The following SMYD2 variants were observed in gnomAD, a reference collection of about 807,000 sequenced individuals.
SMYD2 encodes the protein SET and MYND domain containing 2, also known as N-lysine methyltransferase SMYD2.
SMYD2 carries 53 observed loss-of-function variants against 59.1 expected under a neutral mutation model. The ratio of observed to expected loss-of-function variants is 0.90; its 90% CI spans 0.72 to 1.13. The LOEUF (loss-of-function observed/expected upper bound fraction) is 1.13. Ranked by LOEUF, SMYD2 falls within the 50% of genes most tolerant of loss-of-function variation. The pLI, the probability that SMYD2 is intolerant of heterozygous loss-of-function variation, is 0.00. For missense variants in SMYD2, 494 were observed against 544.7 expected, an observed-to-expected ratio of 0.91 and a Z score of 0.93; for synonymous variants, 208 against 198.8, an observed-to-expected ratio of 1.05 and a Z score of -0.39.
chr1:214,327,772 C>T (rs1291675734), intron 7 of SMYD2, 48 bp downstream of exon 7: 5 of 1,469,424 alleles, frequency 3.4e-6, no homozygotes, highest in Non-Finnish European at 4.8e-6. Flanking sequence ...TGAGACTGCT[C>T]TTTAAAAGGC....
chr1:214,293,300 C>A (rs999311924), intron 1 of SMYD2, among the ~76,000 whole-genome samples: 1 of 152,140 alleles, frequency 6.6e-6, no homozygotes, highest in African/African-American at 2.4e-5. Context: ...GTGATCTACC[C>A]ACCTTGGCCT....
chr1:214,287,721 A>C (rs1446393920), intron 1 of SMYD2, among the ~76,000 whole-genome samples: 1 of 152,152 alleles, frequency 6.6e-6, no homozygotes, highest in East Asian at 1.9e-4. Context: ...AATGGAAATA[A>C]TATAATATAC....
At chr1:214,284,305 G>C (rs920527339) in intron 1 of SMYD2, among the ~76,000 whole-genome samples, 8 of 113,726 alleles carry the variant, frequency 7.0e-5, no homozygotes, top group African/African-American at 2.8e-4. Context: ...TTGTTGCCCA[G>C]GCTGGAGTGC....
chr1:214,319,026 C>T (rs769991069), intron 5 of SMYD2, 43 bp downstream of exon 5: 14 of 1,603,172 alleles, frequency 8.7e-6, no homozygotes, highest in Non-Finnish European at 1.2e-5. Context: ...TGGCCTTTCC[C>T]TCTCCAAGGC....
intron 6 of SMYD2, among the ~76,000 whole-genome samples, chr1:214,326,057 G>T (rs1386296428): frequency 6.6e-6 from 1 of 151,810 alleles, no homozygotes; most frequent in African/African-American, 2.4e-5. Context: ...GACCAACATG[G>T]TGAAACCCCG....
intron 6 of SMYD2, among the ~76,000 whole-genome samples, chr1:214,327,012 G>C (rs749471387): frequency 1.6e-4 from 25 of 152,222 alleles, no homozygotes; most frequent in South Asian, 2.1e-4. Context: ...AAAGCACCTC[G>C]CATAGGCGAA....
chr1:214,308,570 C>T (rs6701654), intron 2 of SMYD2, among the ~76,000 whole-genome samples: 57 of 152,148 alleles, frequency 3.7e-4, no homozygotes, highest in African/African-American at 1.4e-3. Context: ...ACAAGAGCAG[C>T]GATGAGGAAG....
chr1:214,330,122 A>G, intron 7 of SMYD2, 46 bp from the exon 8 acceptor site: 1 of 1,317,998 alleles, frequency 7.6e-7, no homozygotes, highest in African/African-American at 1.5e-5. Flanking sequence ...ACAAGGATTG[A>G]GTTTACCTGT....
At chr1:214,328,282 C>A (rs1048666944) in intron 7 of SMYD2, among the ~76,000 whole-genome samples, 2 of 152,178 alleles carry the variant, frequency 1.3e-5, no homozygotes, top group African/African-American at 4.8e-5. Flanking sequence ...CTTCAGGTCG[C>A]AGTTCACTTT....
chr1:214,301,808 G>C (rs1028440268), intron 1 of SMYD2, among the ~76,000 whole-genome samples: 2 of 135,626 alleles, frequency 1.5e-5, no homozygotes, highest in African/African-American at 5.6e-5. Flanking sequence ...TTTCCAAGAA[G>C]AAAGTGGCTA....
chr1:214,304,573 A>AAAAAG (rs1656886310), intron 1 of SMYD2, among the ~76,000 whole-genome samples: 1 of 151,276 alleles, frequency 6.6e-6, no homozygotes, highest in South Asian at 2.1e-4. Context: ...AAAAAAAAAA[A>AAAAAG]AAAAAAAAAG....
chr1:214,330,189 C>G lies in SMYD2; in HGVS notation c.727C>G (p.Leu243Val). The change falls in exon 8 of 12, where the codon CTC (leucine) becomes GTC (valine). Residue 243 changes from leucine (L) to valine (V), a missense_variant. Leu to Val is a conservative substitution (Grantham distance 32). Coordinates refer to ENST00000366957, the MANE Select transcript of SMYD2 (RefSeq NM_020197.3). Reference protein sequence around the residue: ...GEEVFTSYIDLLYPTEDRNDR... With the variant: ...GEEVFTSYIDVLYPTEDRNDR... ...GTAGGTTTTTACCAGCTATATTGATCTCCTGTACCCAACGGAAGATAGAAA... is the reference window on the plus strand; with the variant it reads ...GTAGGTTTTTACCAGCTATATTGATGTCCTGTACCCAACGGAAGATAGAAA... The G allele has an allele frequency of 3.1e-6, 5 of 1,612,396 alleles. No individual in the cohort carries two copies. The highest frequency in any genetic ancestry group is 3.4e-6 in the Non-Finnish European group (4 of 1,178,936).
intron 2 of SMYD2, among the ~76,000 whole-genome samples, chr1:214,307,349 A>G (rs970168239): frequency 2.6e-5 from 4 of 152,260 alleles, no homozygotes; most frequent in African/African-American, 9.6e-5. Context: ...TAGTATAAAC[A>G]TATTACAGTC....
At chr1:214,320,482 C>G (rs74978519) in intron 5 of SMYD2, among the ~76,000 whole-genome samples, 14,768 of 152,096 alleles carry the variant, frequency 0.097, 890 homozygotes, top group South Asian at 0.19. Flanking sequence ...AGAAAGTGGC[C>G]AGGCACCATG....
At chr1:214,310,869 A>G (rs892930920) in intron 2 of SMYD2, among the ~76,000 whole-genome samples, 2 of 152,210 alleles carry the variant, frequency 1.3e-5, no homozygotes, top group African/African-American at 4.8e-5. Context: ...GTATCAAAAT[A>G]TGCTTAAAAC....
chr1:214,334,470 G>C (rs758402674), intron 11 of SMYD2, among the ~76,000 whole-genome samples, 162 bp downstream of exon 11: 4 of 152,154 alleles, frequency 2.6e-5, no homozygotes, highest in African/African-American at 4.8e-5. Flanking sequence ...TGCAGGTGAG[G>C]GGGGAGTGAG....
At chr1:214,281,738 C>T (rs945183280) in intron 1 of SMYD2, among the ~76,000 whole-genome samples, 11 of 152,250 alleles carry the variant, frequency 7.2e-5, no homozygotes, top group African/African-American at 2.4e-4. Context: ...GGGCTCCGAG[C>T]CAGGCTTGTT....
intron 1 of SMYD2, among the ~76,000 whole-genome samples, chr1:214,297,467 C>A (rs573713767): frequency 6.6e-6 from 1 of 152,224 alleles, no homozygotes; most frequent in East Asian, 1.9e-4. Context: ...TTTGTATAGT[C>A]CTACAGCGAA....
chr1:214,334,289 G>C lies in SMYD2; in HGVS notation c.1202G>C (p.Gly401Ala). 1.2e-6 allele frequency: 2 copies of C among 1,613,664 alleles called. No homozygotes were observed. Among genetic ancestry groups the C allele is most frequent in the Non-Finnish European group, 1.7e-6 (2 of 1,180,016 alleles). The stretch of plus-strand genomic sequence containing the variant: ...ATGGGCCTGGAACACAAAGCCGCAG[G>C]GGAGAAAGCCCTGAAGAAGGTATGT... Reference protein sequence around the residue: ...LYMGLEHKAAGEKALKKAIAI... With the variant: ...LYMGLEHKAAAEKALKKAIAI... The change falls in exon 11 of 12, where the codon GGG (glycine) becomes GCG (alanine). Residue 401 changes from glycine (G) to alanine (A), a missense_variant. Physicochemically the swap from Gly to Ala is moderately conservative, Grantham distance 60. Transcript: ENST00000366957.
Sources: gnomAD v4.1 joint callset for allele counts (sites outside exome capture counted in the v4.1 genomes callset) on GRCh38, gnomAD v4.1.1 for gene constraint, MANE v1.5 for transcripts, NCBI Gene and HGNC (gene_info 2026-07-23, HGNC 2026-07-21) for gene names.